PSMA1: variants seen among roughly 807,000 people sequenced by gnomAD.
PSMA1 encodes proteasome subunit alpha type-1.
In PSMA1, 3 loss-of-function variants were observed where a neutral mutation model predicts 38.4. The ratio of observed to expected loss-of-function variants is 0.08; its 90% CI spans 0.04 to 0.20. The LOEUF (loss-of-function observed/expected upper bound fraction) is 0.20, where lower values mean the gene tolerates loss of function less well. Ranked by LOEUF, PSMA1 falls within the 10% of genes least tolerant of loss-of-function variation. PSMA1 has a pLI of 1.00. For synonymous variants in PSMA1, 101 were observed against 107.1 expected (o/e 0.94, Z 0.35); for missense variants, 227 against 325.3 (o/e 0.70, Z 2.32).
At chr11:14,586,094 T>C (rs765217652) in intron 2 of PSMA1, among the ~76,000 whole-genome samples, 12 of 152,220 alleles carry the variant, frequency 7.9e-5, no homozygotes, top group Non-Finnish European at 1.3e-4. Flanking sequence ...ATCCATCTGT[T>C]AACATCCCTC....
At chr11:14,537,430 G>A (rs1273041658) in intron 2 of PSMA1, among the ~76,000 whole-genome samples, 2 of 151,856 alleles carry the variant, frequency 1.3e-5, no homozygotes, top group South Asian at 2.1e-4. Context: ...CAAATCAAAC[G>A]CATACTGCAA....
chr11:14,566,910 C>T (rs1565046346), intron 2 of PSMA1, among the ~76,000 whole-genome samples: 1 of 152,150 alleles, frequency 6.6e-6, no homozygotes, highest in African/African-American at 2.4e-5. Context: ...AATCCTGGAG[C>T]CAGTCAGTTC....
At chr11:14,538,323 C>T (rs928370652) in intron 2 of PSMA1, among the ~76,000 whole-genome samples, 1 of 152,110 alleles carries the variant, frequency 6.6e-6, no homozygotes, top group African/African-American at 2.4e-5. Flanking sequence ...AGAAGACTCT[C>T]GGTTTGGGTC....
At chr11:14,512,472 A>C (rs1376593786) in intron 7 of PSMA1, among the ~76,000 whole-genome samples, 3 of 152,322 alleles carry the variant, frequency 2.0e-5, no homozygotes, top group African/African-American at 7.2e-5. Flanking sequence ...GTACTCCCCA[A>C]AATTATCTAT....
intron 2 of PSMA1, among the ~76,000 whole-genome samples, chr11:14,560,762 C>T (rs921304202): frequency 6.6e-6 from 1 of 152,146 alleles, no homozygotes; most frequent in African/African-American, 2.4e-5. Flanking sequence ...TGGAAGATAT[C>T]ACTCTATCTT....
At chr11:14,570,711 A>C (rs1852128856) in intron 2 of PSMA1, among the ~76,000 whole-genome samples, 1 of 152,226 alleles carries the variant, frequency 6.6e-6, no homozygotes. Context: ...ATGTGAAAAG[A>C]CCAAATCTAC....
chr11:14,514,242 A>C (rs996021189), intron 5 of PSMA1, 161 bp downstream of exon 5: 12 of 1,371,348 alleles, frequency 8.8e-6, no homozygotes, highest in Admixed American at 3.6e-5. Flanking sequence ...TCTAGCAAAT[A>C]TAAATTGCTT....
At chr11:14,506,849 G>C (rs922717980) in intron 9 of PSMA1, among the ~76,000 whole-genome samples, 4 of 152,196 alleles carry the variant, frequency 2.6e-5, no homozygotes, top group African/African-American at 9.6e-5. Context: ...CCCTGCTGAA[G>C]AAGCGGCCCT....
chr11:14,577,426 T>A (rs536403591), intron 2 of PSMA1, among the ~76,000 whole-genome samples: 1 of 152,250 alleles, frequency 6.6e-6, no homozygotes, highest in South Asian at 2.1e-4. Context: ...CCAATGATGA[T>A]CTTTCCTCCA....
chr11:14,629,469 G>C (rs1852969334), intron 1 of PSMA1, among the ~76,000 whole-genome samples: 1 of 151,478 alleles, frequency 6.6e-6, no homozygotes, highest in African/African-American at 2.4e-5. Context: ...TCAAAGATCA[G>C]ATAGTTGTAG....
intron 7 of PSMA1, among the ~76,000 whole-genome samples, chr11:14,512,112 C>T (rs558051761): frequency 6.6e-6 from 1 of 152,196 alleles, no homozygotes; most frequent in Non-Finnish European, 1.5e-5. Context: ...TGGTGGCTCA[C>T]GCCTGTAATC....
intron 2 of PSMA1, among the ~76,000 whole-genome samples, chr11:14,583,954 C>G (rs748092): frequency 6.6e-6 from 1 of 152,132 alleles, no homozygotes; most frequent in African/African-American, 2.4e-5. Flanking sequence ...CTACCCTAAC[C>G]TCATCTGTCT....
intron 2 of PSMA1, among the ~76,000 whole-genome samples, chr11:14,579,973 A>G (rs1021010600): frequency 1.3e-5 from 2 of 152,160 alleles, no homozygotes; most frequent in African/African-American, 4.8e-5. Context: ...AGGGAGAGAA[A>G]AATCTGTCTG....
intron 1 of PSMA1, among the ~76,000 whole-genome samples, chr11:14,616,751 T>A (rs1200105047): frequency 2.0e-5 from 3 of 152,206 alleles, no homozygotes; most frequent in African/African-American, 4.8e-5. Flanking sequence ...AGCCCTATTT[T>A]GTAGGTGGAG....
chr11:14,564,636 C>G (rs757753577), intron 2 of PSMA1, among the ~76,000 whole-genome samples: 1 of 152,130 alleles, frequency 6.6e-6, no homozygotes, highest in African/African-American at 2.4e-5. Flanking sequence ...GAGTGGCTGT[C>G]CCATTTTACT....
chr11:14,526,475 C>T (rs982092169), intron 2 of PSMA1, among the ~76,000 whole-genome samples: 3 of 152,172 alleles, frequency 2.0e-5, no homozygotes, highest in South Asian at 2.1e-4. Context: ...ATCATGTCTC[C>T]GTGCAGTGGC....
intron 2 of PSMA1, among the ~76,000 whole-genome samples, chr11:14,599,088 A>C (rs1187132633): frequency 6.6e-6 from 1 of 152,084 alleles, no homozygotes; most frequent in Non-Finnish European, 1.5e-5. Context: ...TGGCTTTTAG[A>C]GTTTCTGCTG....
intron 2 of PSMA1, among the ~76,000 whole-genome samples, chr11:14,569,789 A>G (rs1488735240): frequency 6.6e-6 from 1 of 152,278 alleles, no homozygotes; most frequent in Non-Finnish European, 1.5e-5. Flanking sequence ...GAGGCGGGGC[A>G]TAGCTGAACA....
At chr11:14,547,124 G>T (rs768945685) in intron 2 of PSMA1, among the ~76,000 whole-genome samples, 1 of 152,198 alleles carries the variant, frequency 6.6e-6, no homozygotes, top group Non-Finnish European at 1.5e-5. Context: ...GGAATGTGTG[G>T]ATGTGTGGCA....
Sources: allele counts gnomAD v4.1 joint callset (sites outside exome capture counted in the v4.1 genomes callset), GRCh38; gene constraint gnomAD v4.1.1; transcripts MANE v1.5; gene names NCBI Gene and HGNC (gene_info 2026-07-23, HGNC 2026-07-21).